The following GCN1 variants were observed in gnomAD, a reference collection of about 807,000 sequenced individuals.
The protein encoded by GCN1 is stalled ribosome sensor GCN1.
Under a neutral mutation model 288.4 loss-of-function variants are expected in GCN1, and 90 were observed. The ratio of observed to expected loss-of-function variants is 0.31; its 90% CI spans 0.26 to 0.37. The LOEUF (loss-of-function observed/expected upper bound fraction) is 0.37. Among genes scored for constraint, GCN1 ranks in the 10% least tolerant of loss-of-function variants. The probability of loss-of-function intolerance (pLI) is 1.00; values close to 1 mark genes in which losing one functional copy is unlikely to be tolerated. For synonymous variants in GCN1, 1,386 were observed against 1,420.2 expected (o/e 0.98, Z 0.54); for missense variants, 2,586 against 3,419.9 (o/e 0.76, Z 6.08).
intron 37 of GCN1, 90 bp from the exon 38 acceptor site, chr12:120,147,362 G>T (rs971825696): frequency 1.7e-6 from 1 of 603,450 alleles, no homozygotes; most frequent in East Asian, 3.0e-5. Context: ...GATCAGAAGA[G>T]AAGGGAGTCT....
At position 120,144,944 on chromosome 12, in the gene GCN1, C is replaced by T; in HGVS notation, c.5134G>A (p.Asp1712Asn). Residue 1712 changes from aspartate (D) to asparagine (N), a missense_variant, in exon 40 of 58, where the codon GAT becomes AAT. By Grantham distance (23) the Asp-to-Asn change is conservative (BLOSUM62 1). Transcript: ENST00000300648. The surrounding 1 kb of genome is among the most constrained non-coding windows in gnomAD (Gnocchi z 4.7). ...TTACCCTGTGCAGCGCCTGAGCGAT[C>T]CACAGAGCTCTGCTCATAGGTCAGT... ...ETLTYEQSSV[D>N]RSGAAQGLAE... 1 of 1,614,178 alleles carries T rather than the reference C, an allele frequency of 6.2e-7. No homozygotes were observed. The highest frequency in any genetic ancestry group is 8.5e-7 in the Non-Finnish European group (1 of 1,180,020).
chr12:120,171,664 G>A (rs948143752), intron 14 of GCN1, among the ~76,000 whole-genome samples: 1 of 152,094 alleles, frequency 6.6e-6, no homozygotes, highest in African/African-American at 2.4e-5. Context: ...TTTTTAAAAG[G>A]TTTATTTTAT....
intron 16 of GCN1, 39 bp downstream of exon 16, chr12:120,168,169 G>A (rs199786471): frequency 1.7e-6 from 2 of 1,167,608 alleles, no homozygotes; most frequent in African/African-American, 3.0e-5. Context: ...AAGAGACTTT[G>A]CCTCAATCCC....
At chr12:120,143,577 G>A (rs1461624688) in intron 42 of GCN1, among the ~76,000 whole-genome samples, 6 of 137,750 alleles carry the variant, frequency 4.4e-5, no homozygotes, top group African/African-American at 8.4e-5. Context: ...GCGAGACTCC[G>A]TCTCAAAAAG....
chr12:120,167,347 C>A (rs1352731682), intron 16 of GCN1, among the ~76,000 whole-genome samples: 2 of 119,074 alleles, frequency 1.7e-5, no homozygotes, highest in Admixed American at 8.9e-5. Context: ...AACGAAACTC[C>A]ATCTCAAAAA....
At chr12:120,160,089 C>A (rs1877877447) in intron 23 of GCN1, 53 bp downstream of exon 23, 4 of 1,587,640 alleles carry the variant, frequency 2.5e-6, no homozygotes, top group African/African-American at 2.7e-5. Flanking sequence ...GCAGCAGGAC[C>A]AAGCTGCCCA....
rs764218370 is a variant in GCN1 at position 120,153,356 on chromosome 12, G to A, written c.3919C>T (p.Pro1307Ser). 32 of 1,614,070 alleles carry A rather than the reference G, an allele frequency of 2.0e-5. No individual in the cohort carries two copies. Among genetic ancestry groups the A allele is most frequent in the Non-Finnish European group, 2.6e-5 (31 of 1,180,028 alleles). The change falls in exon 33 of 58, where the codon CCC becomes TCC. Residue 1307 changes from proline to serine, a missense_variant. By Grantham distance (74) the Pro-to-Ser change is moderately conservative (BLOSUM62 -1). Coordinates refer to ENST00000300648, the MANE Select transcript of GCN1 (RefSeq NM_006836.2). This position sits in a 1 kb window ranked among gnomAD's most constrained non-coding sequence, Gnocchi z 4.4. ...ACAGCATCATAGCTGGCATCATTGG[G>A]CGCGTTCTTCAGGAACTCCTCGAAT... ...PVFEEFLKNA[P>S]NDASYDAVRQ...
chr12:120,129,273 C>T lies in GCN1; in HGVS notation c.7890+3G>A. 6.2e-7 allele frequency: 1 copy of T among 1,610,316 alleles called. No individual in the cohort carries two copies. Among genetic ancestry groups the T allele is most frequent in the Non-Finnish European group, 8.5e-7 (1 of 1,177,000 alleles). Reference sequence around the variant, plus strand: ...ATCCTGGTGAGGCCCCCCAGGCTCCCACCTGAAACACCTCTTCACCCTGCC... The same window carrying T: ...ATCCTGGTGAGGCCCCCCAGGCTCCTACCTGAAACACCTCTTCACCCTGCC... On this transcript the variant is annotated splice_donor_region_variant and intron_variant, in intron 57 of 57. Transcript: ENST00000300648.
chr12:120,141,176 A>G (rs373996416), intron 44 of GCN1, among the ~76,000 whole-genome samples, 153 bp from the exon 45 acceptor site: 45 of 152,172 alleles, frequency 3.0e-4, no homozygotes, highest in African/African-American at 1.1e-3. Flanking sequence ...AGAGCCCCCA[A>G]ATACTCTCTG....
chr12:120,148,124 T>G (rs764826153), intron 37 of GCN1, 43 bp downstream of exon 37: 1 of 1,473,220 alleles, frequency 6.8e-7, no homozygotes, highest in African/African-American at 1.4e-5. Context: ...GGCTGCGGCG[T>G]TGGTGGGAGG....
rs748612773 is a variant in GCN1 at position 120,134,487 on chromosome 12, C to A, written c.7202+46G>T. On this transcript the variant is annotated intron_variant, in intron 52 of 57. Transcript: ENST00000300648. This position sits in a 1 kb window ranked among gnomAD's most constrained non-coding sequence, Gnocchi z 5.0. ...CCAGCGCAGGCTCGGCCCACAGCAA[C>A]CCCTGGCCTCCTGGAGGCCACAGTG... 1.1e-5 allele frequency: 18 copies of A among 1,597,268 alleles called. No individual in the cohort carries two copies. The highest frequency in any genetic ancestry group is 1.0e-4 in the Admixed American group (6 of 59,826).
chr12:120,151,532 C>A lies in GCN1; in HGVS notation c.4063-141G>T, dbSNP rs1877555118. ...GCCACTGCCTGCGGATGTCACAGGG[C>A]ACCAGAGAAGCAAACAGGTATACAC... On this transcript the variant is annotated intron_variant, in intron 33 of 57. Coordinates refer to ENST00000300648, the MANE Select transcript of GCN1 (RefSeq NM_006836.2). 5.1e-6 allele frequency: 4 copies of A among 789,600 alleles called. No homozygotes were observed. In the South Asian group the frequency reaches 6.9e-5, roughly 14 times the overall value. 48.9% of individuals were successfully genotyped at this position (789,600 alleles called of 1,614,324 possible).
At chr12:120,151,015 A>T (rs1877531459) in intron 34 of GCN1, 130 bp downstream of exon 34, 1 of 993,446 alleles carries the variant, frequency 1.0e-6, no homozygotes, top group African/African-American at 1.6e-5. Context: ...TGGGTCGCAC[A>T]CAGCGGGGCC....
chr12:120,144,167 G>C lies in GCN1; in HGVS notation c.5495+139C>G. ...AATTTTTTATTTTTTATAGAGACAG[G>C]GTCTCACTATGTTGCCAGGGCTCAT... On this transcript the variant is annotated intron_variant, in intron 42 of 57. Coordinates refer to ENST00000300648, the MANE Select transcript of GCN1 (RefSeq NM_006836.2). The surrounding 1 kb of genome is among the most constrained non-coding windows in gnomAD (Gnocchi z 4.7). The C allele has an allele frequency of 1.2e-6, 1 of 854,548 alleles. No individual in the cohort carries two copies. Among genetic ancestry groups the C allele is most frequent in the East Asian group, 2.6e-5 (1 of 38,982 alleles). The allele number at this position is 854,548 out of a possible 1,614,324, so 52.9% of individuals were successfully genotyped here.
rs560879891 is a variant in GCN1, at chr12:120,138,538, G to A, written c.6157-123C>T. 7.7e-5 allele frequency: 79 copies of A among 1,024,498 alleles called. No homozygotes were observed. In the African/African-American group the frequency reaches 9.5e-4, roughly 12 times the overall value. 63.5% of individuals were successfully genotyped at this position (1,024,498 alleles called of 1,614,324 possible). A position where few individuals can be genotyped will look rare whatever the true frequency, so the allele number is the denominator to read the frequency against. The stretch of plus-strand genomic sequence containing the variant: ...GTTGCACCCACATTTCCTCACTGCC[G>A]AAGGCGAAGCACAAAGCCAAGTCTG... On this transcript the variant is annotated intron_variant, in intron 46 of 57. Transcript: ENST00000300648.
In GCN1 at chr12:120,175,769, T is replaced by C. The variant is rs768271223; in HGVS notation, c.1019A>G (p.Lys340Arg). ...SDSSAMESLT[K>R]HLFAILGGSE... Reference sequence around the variant, plus strand: ...ACCTCCGAGGATAGCAAATAGGTGCTTGGTCAGGGATTCCATGGCCGAAGA... The same window carrying C: ...ACCTCCGAGGATAGCAAATAGGTGCCTGGTCAGGGATTCCATGGCCGAAGA... The change falls in exon 11 of 58, where the codon AAG (lysine) becomes AGG (arginine). Residue 340 changes from lysine (K) to arginine (R), a missense_variant. Coordinates refer to ENST00000300648, the MANE Select transcript of GCN1 (RefSeq NM_006836.2). 11 of 1,612,730 alleles carry C rather than the reference T, an allele frequency of 6.8e-6. No individual in the cohort carries two copies. Among genetic ancestry groups the C allele is most frequent in the Non-Finnish European group, 9.3e-6 (11 of 1,179,556 alleles).
intron 2 of GCN1, among the ~76,000 whole-genome samples, chr12:120,190,039 C>G (rs1036962220): frequency 6.6e-6 from 1 of 151,368 alleles, no homozygotes; most frequent in Non-Finnish European, 1.5e-5. Flanking sequence ...GGAACACTGT[C>G]ATTCGAGAAA....
Position 120,144,369 on chromosome 12 carries a change from G to A in GCN1, c.5432C>T (p.Thr1811Ile). The change falls in exon 42 of 58, where the codon ACA (threonine) becomes ATA (isoleucine). Residue 1811 changes from threonine to isoleucine, a missense_variant. By Grantham distance (89) the Thr-to-Ile change is moderately conservative (BLOSUM62 -1). Coordinates refer to ENST00000300648, the MANE Select transcript of GCN1 (RefSeq NM_006836.2). This position sits in a 1 kb window ranked among gnomAD's most constrained non-coding sequence, Gnocchi z 4.7. ...GQRVISMYAE[T>I]AIALLLPQLE... The stretch of plus-strand genomic sequence containing the variant: ...CTGGGGCAGCAGCAGGGCGATGGCT[G>A]TCTCAGCGTACATGGAGATAACCCG... 1 of 1,614,212 alleles carries A rather than the reference G, an allele frequency of 6.2e-7. No individual in the cohort carries two copies. Among genetic ancestry groups the A allele is most frequent in the Non-Finnish European group, 8.5e-7 (1 of 1,179,998 alleles).
Position 120,163,093 on chromosome 12 carries a change from A to T in GCN1, c.2015T>A (p.Ile672Asn). The T allele has an allele frequency of 6.2e-7, 1 of 1,614,226 alleles. No individual in the cohort carries two copies. Among genetic ancestry groups the T allele is most frequent in the Non-Finnish European group, 8.5e-7 (1 of 1,180,038 alleles). The change falls in exon 19 of 58, where the codon ATC becomes AAC. Residue 672 changes from isoleucine (I) to asparagine (N), a missense_variant. Physicochemically the swap from Ile to Asn is moderately radical, Grantham distance 149. This residue lies in a region of GCN1 where 913 missense variants were observed against 1,107.0 expected (regional missense o/e 0.82). Coordinates refer to ENST00000300648, the MANE Select transcript of GCN1 (RefSeq NM_006836.2). ...DTEQLAQEML[I>N]ISHHPSLVAV... Reference sequence around the variant, plus strand: ...ACCTAAGGATGGGTGGTGGGAGATGATCAGCATTTCCTGGGCCAGTTGTTC... The same window carrying T: ...ACCTAAGGATGGGTGGTGGGAGATGTTCAGCATTTCCTGGGCCAGTTGTTC...
Sources: gnomAD v4.1 joint callset for allele counts (sites outside exome capture counted in the v4.1 genomes callset) on GRCh38, gnomAD v4.1.1 for gene constraint, gnomAD v4.1.1 regional missense constraint, Gnocchi (gnomAD v3.1) non-coding constraint, MANE v1.5 for transcripts, NCBI Gene and HGNC (gene_info 2026-07-23, HGNC 2026-07-21) for gene names.